Variants in GRAMD1C observed in about 807,000 individuals in gnomAD.
GRAMD1C encodes protein Aster-C.
Under a neutral mutation model 97.8 loss-of-function variants are expected in GRAMD1C, and 89 were observed. The ratio of observed to expected loss-of-function variants is 0.91; its 90% CI spans 0.77 to 1.09. The LOEUF (loss-of-function observed/expected upper bound fraction) is 1.09. Among genes scored for constraint, GRAMD1C ranks in the 50% least tolerant of loss-of-function variants. The pLI is 0.00. For synonymous variants in GRAMD1C, 256 were observed against 267.0 expected, an observed-to-expected ratio of 0.96 and a Z score of 0.40; for missense variants, 740 against 766.4, an observed-to-expected ratio of 0.97 and a Z score of 0.41.
Position 113,880,681 on chromosome 3 carries a change from A to C in GRAMD1C, c.460-2071A>C, listed in dbSNP as rs528109876. On this transcript the variant is annotated intron_variant, in intron 5 of 17. Coordinates refer to ENST00000358160, the MANE Select transcript of GRAMD1C (RefSeq NM_017577.5). ...CAAACATTTAAATTTTAATAATGAC[A>C]GTAAGTCAGCATTTACTGAACACTT... Among the ~76,000 whole-genome samples the C allele has an allele frequency of 3.3e-5, 5 of 152,350 alleles. 1 individual carries two copies. The South Asian group carries it at 8.3e-4, about 25-fold the overall frequency.
chr3:113,901,190 A>G, intron 7 of GRAMD1C, 44 bp downstream of exon 7: 1 of 967,146 alleles, frequency 1.0e-6, no homozygotes, highest in Non-Finnish European at 1.7e-6. Context: ...TCAATTATTA[A>G]TCAAAGCAGA....
rs1488461811 is a variant in GRAMD1C at position 113,939,938 on chromosome 3, A to G, written c.1744A>G (p.Ile582Val). The stretch of plus-strand genomic sequence containing the variant: ...GACACTGTTTCTGAAGCTGTCAAAG[A>G]TAGAACATGCTGCTCAGTCCTTTTA... ...NVTLFLKLSK[I>V]EHAAQSFYRL... Residue 582 changes from isoleucine to valine, a missense_variant, in exon 16 of 18, where the codon ATA becomes GTA. Physicochemically the swap from Ile to Val is conservative, Grantham distance 29. Coordinates refer to ENST00000358160, the MANE Select transcript of GRAMD1C (RefSeq NM_017577.5). 6.2e-7 allele frequency: 1 copy of G among 1,611,504 alleles called. No homozygotes were observed. Among genetic ancestry groups the G allele is most frequent in the East Asian group, 2.2e-5 (1 of 44,876 alleles).
At chr3:113,888,584 G>A (rs190545078) in intron 6 of GRAMD1C, among the ~76,000 whole-genome samples, 16 of 152,286 alleles carry the variant, frequency 1.1e-4, no homozygotes, top group African/African-American at 3.9e-4. Context: ...CGACCACAAT[G>A]TATATGCATA....
chr3:113,873,015 C>T (rs986380630), intron 3 of GRAMD1C, among the ~76,000 whole-genome samples: 16 of 144,510 alleles, frequency 1.1e-4, no homozygotes, highest in African/African-American at 4.1e-4. Context: ...AACCTGGGAA[C>T]CTGGGAGGCG....
chr3:113,897,087 C>T (rs1324483799), intron 6 of GRAMD1C, among the ~76,000 whole-genome samples: 5 of 152,132 alleles, frequency 3.3e-5, no homozygotes, highest in Non-Finnish European at 7.4e-5. Context: ...GAACAGCTGG[C>T]TCTTCCTGCT....
At chr3:113,930,649 A>G in intron 10 of GRAMD1C, 65 bp from the exon 11 acceptor site, 1 of 844,568 alleles carries the variant, frequency 1.2e-6, no homozygotes, top group Non-Finnish European at 2.0e-6. Flanking sequence ...AGCTCCTTTG[A>G]TTTCATTTAA....
chr3:113,934,270 T>C (rs1307827501), intron 12 of GRAMD1C, among the ~76,000 whole-genome samples, 162 bp from the exon 13 acceptor site: 1 of 152,232 alleles, frequency 6.6e-6, no homozygotes, highest in Admixed American at 6.5e-5. Context: ...CACACATTAA[T>C]TTTTTAAATA....
At chr3:113,902,495 C>A (rs967858755) in intron 7 of GRAMD1C, among the ~76,000 whole-genome samples, 1 of 152,128 alleles carries the variant, frequency 6.6e-6, no homozygotes, top group Non-Finnish European at 1.5e-5. Flanking sequence ...CAAATCTTTT[C>A]ATTTTTTTGA....
intron 6 of GRAMD1C, chr3:113,885,734 C>A: frequency 6.4e-7 from 1 of 1,566,832 alleles, no homozygotes; most frequent in Non-Finnish European, 8.8e-7. Context: ...GTAAACTGGA[C>A]AATAGCAGAA....
chr3:113,860,047 AG>A lies in GRAMD1C; in HGVS notation c.175-9458del, dbSNP rs566667756. 1.2e-3 allele frequency among the ~76,000 whole-genome samples: 181 copies of A among 152,050 alleles called. 2 individuals are homozygous for A. Among genetic ancestry groups the A allele is most frequent in the Non-Finnish European group, 2.0e-3 (136 of 67,968 alleles). ...GAATAAATTTTTTTTTTTGACATGG[AG>A]GCTTGCTCTGTCACCCAGGCTGGAG... On this transcript the variant is annotated intron_variant, in intron 2 of 17. Transcript: ENST00000358160.
chr3:113,939,111 G>A (rs1314889481), intron 15 of GRAMD1C: 3 of 152,046 alleles, frequency 2.0e-5, no homozygotes, highest in Non-Finnish European at 4.4e-5. Context: ...GGATTTTCTT[G>A]CTACTATCTT....
At position 113,934,750 on chromosome 3, in the gene GRAMD1C, T is replaced by C. The variant is rs138498857; in HGVS notation, c.1456+215T>C. 1.3e-3 allele frequency among the ~76,000 whole-genome samples: 195 copies of C among 152,286 alleles called. 2 individuals are homozygous for C. Among genetic ancestry groups the C allele is most frequent in the African/African-American group, 4.3e-3 (178 of 41,554 alleles). On this transcript the variant is annotated intron_variant, in intron 13 of 17. Coordinates refer to ENST00000358160, the MANE Select transcript of GRAMD1C (RefSeq NM_017577.5). Reference sequence around the variant, plus strand: ...AAACAAACACTTATTTTTTTTATTTTTTATTTTTTTTGAGATGGAGTCTTG... The same window carrying C: ...AAACAAACACTTATTTTTTTTATTTCTTATTTTTTTTGAGATGGAGTCTTG...
chr3:113,909,215 T>G, intron 9 of GRAMD1C, 95 bp downstream of exon 9: 1 of 563,392 alleles, frequency 1.8e-6, no homozygotes, highest in East Asian at 3.4e-5. Flanking sequence ...TTTAGTTTTA[T>G]TAGACACAGT....
chr3:113,940,121 T>C, intron 16 of GRAMD1C, 119 bp from the exon 17 acceptor site: 2 of 852,330 alleles, frequency 2.3e-6, no homozygotes, highest in Non-Finnish European at 3.9e-6. Context: ...AAACAGCCTG[T>C]TTTTGTTTGT....
At chr3:113,908,768 A>G (rs1332233180) in intron 8 of GRAMD1C, among the ~76,000 whole-genome samples, 190 bp from the exon 9 acceptor site, 1 of 152,166 alleles carries the variant, frequency 6.6e-6, no homozygotes, top group Non-Finnish European at 1.5e-5. Flanking sequence ...AGAATGGTAT[A>G]TATTATTTAT....
At chr3:113,918,372 CT>C (rs1936915312) in intron 10 of GRAMD1C, among the ~76,000 whole-genome samples, 2 of 152,352 alleles carry the variant, frequency 1.3e-5, no homozygotes, top group African/African-American at 4.8e-5. Context: ...TAATGTTACA[CT>C]GCCATTTTTA....
At chr3:113,889,569 T>C (rs1361413905) in intron 6 of GRAMD1C, among the ~76,000 whole-genome samples, 1 of 152,080 alleles carries the variant, frequency 6.6e-6, no homozygotes, top group Non-Finnish European at 1.5e-5. Flanking sequence ...ATGTGAATTA[T>C]AGCACAGTAA....
rs74551540 is a variant in GRAMD1C, at chr3:113,934,455, G to A, written c.1376G>A (p.Arg459Lys). ...AGAGTTTCCACAGATTTGAAATACA[G>A]AAAACAGCCATGGGGCCTTGTCAAA... ...RLRVSTDLKY[R>K]KQPWGLVKSL... is the part of the protein sequence containing the mutation. The change falls in exon 13 of 18, where the codon AGA (arginine) becomes AAA (lysine). Residue 459 changes from arginine (R) to lysine (K), a missense_variant. By Grantham distance (26) the Arg-to-Lys change is conservative. Transcript: ENST00000358160. 8 of 1,562,456 alleles carry A rather than the reference G, an allele frequency of 5.1e-6. No individual in the cohort carries two copies. In the South Asian group the frequency reaches 7.0e-5, roughly 14 times the overall value.
At chr3:113,932,809 G>C (rs1240813081) in intron 11 of GRAMD1C, among the ~76,000 whole-genome samples, 1 of 152,000 alleles carries the variant, frequency 6.6e-6, no homozygotes, top group East Asian at 1.9e-4. Flanking sequence ...GGGCTCAAAT[G>C]ATCTTCCCAC....
Sources: gnomAD v4.1 joint callset for allele counts (sites outside exome capture counted in the v4.1 genomes callset) on GRCh38, gnomAD v4.1.1 for gene constraint, MANE v1.5 for transcripts, NCBI Gene and HGNC (gene_info 2026-07-23, HGNC 2026-07-21) for gene names.